ADGRL2: variants seen among roughly 807,000 people sequenced by gnomAD.
ADGRL2 encodes the protein adhesion G protein-coupled receptor L2.
Under a neutral mutation model 157.4 loss-of-function variants are expected in ADGRL2, and 44 were observed. The observed-to-expected ratio is 0.28, with a 90% CI of 0.22 to 0.36. The LOEUF (loss-of-function observed/expected upper bound fraction) is 0.36. Among genes scored for constraint, ADGRL2 ranks in the 10% least tolerant of loss-of-function variants. ADGRL2 has a pLI of 1.00. For synonymous variants in ADGRL2, 585 were observed against 624.7 expected, an observed-to-expected ratio of 0.94 and a Z score of 0.95; for missense variants, 1,510 against 1,768.9, an observed-to-expected ratio of 0.85 and a Z score of 2.63.
chr1:81,516,428 T>A (rs1570352046), intron 2 of ADGRL2, among the ~76,000 whole-genome samples: 1 of 152,258 alleles, frequency 6.6e-6, no homozygotes, highest in African/African-American at 2.4e-5. Context: ...TTATTTAGAT[T>A]CCTGCATTTT....
At chr1:81,602,198 AC>A (rs2081345868) in intron 3 of ADGRL2, among the ~76,000 whole-genome samples, 1 of 152,246 alleles carries the variant, frequency 6.6e-6, no homozygotes, top group African/African-American at 2.4e-5. Flanking sequence ...AGTGGCTCAC[AC>A]CTACAATCCC....
chr1:81,427,509 C>T (rs1390167215), intron 1 of ADGRL2: 25 of 750,790 alleles, frequency 3.3e-5, no homozygotes, highest in Non-Finnish European at 4.9e-5. Context: ...AATCAAATTA[C>T]GAACCCATGT....
intron 3 of ADGRL2, among the ~76,000 whole-genome samples, chr1:81,916,975 A>G (rs1002039616): frequency 3.3e-5 from 5 of 150,200 alleles, no homozygotes; most frequent in Admixed American, 2.0e-4. Context: ...GAAAGAGAGA[A>G]AAAAAAAATA....
intron 1 of ADGRL2, among the ~76,000 whole-genome samples, chr1:81,397,468 C>T (rs890475577): frequency 1.3e-5 from 2 of 151,616 alleles, no homozygotes; most frequent in African/African-American, 2.4e-5. Context: ...TAGAGGCGCC[C>T]GCCACCACGC....
intron 1 of ADGRL2, among the ~76,000 whole-genome samples, chr1:81,404,409 T>C (rs2076817268): frequency 6.6e-6 from 1 of 152,202 alleles, no homozygotes; most frequent in Admixed American, 6.5e-5. Context: ...CTTCCAAATA[T>C]TTAATCAATT....
chr1:81,848,606 G>C (rs1357917403), intron 2 of ADGRL2, among the ~76,000 whole-genome samples: 1 of 151,772 alleles, frequency 6.6e-6, no homozygotes, highest in Admixed American at 6.6e-5. Flanking sequence ...AATTATGTCA[G>C]TTTTCTTAAT....
chr1:81,964,168 AAT>A (rs1365832226), intron 11 of ADGRL2, among the ~76,000 whole-genome samples: 1 of 151,994 alleles, frequency 6.6e-6, no homozygotes, highest in Non-Finnish European at 1.5e-5. Flanking sequence ...TTTAAACTCT[AAT>A]AAGTAAATTT....
intron 3 of ADGRL2, among the ~76,000 whole-genome samples, chr1:81,615,449 ACACT>A (rs1403093968): frequency 2.6e-5 from 4 of 152,228 alleles, no homozygotes; most frequent in Non-Finnish European, 5.9e-5. Context: ...AAGAGCTGTA[ACACT>A]CACCGCGAAG....
intron 4 of ADGRL2, among the ~76,000 whole-genome samples, chr1:81,937,784 A>C (rs1206270630): frequency 1.3e-5 from 2 of 151,810 alleles, no homozygotes; most frequent in Non-Finnish European, 3.0e-5. Context: ...GGATTTGCCA[A>C]ATAATGAAAC....
intron 3 of ADGRL2, among the ~76,000 whole-genome samples, chr1:81,914,971 G>A (rs1168334802): frequency 1.3e-5 from 2 of 152,156 alleles, no homozygotes; most frequent in Non-Finnish European, 2.9e-5. Context: ...TAGTGTGCAA[G>A]AAAGACTAAT....
intron 1 of ADGRL2, among the ~76,000 whole-genome samples, chr1:81,310,541 T>A (rs1180049383): frequency 6.6e-6 from 1 of 152,176 alleles, no homozygotes; most frequent in Non-Finnish European, 1.5e-5. Flanking sequence ...CAATTTTGAT[T>A]GTATTCTGTG....
intron 3 of ADGRL2, among the ~76,000 whole-genome samples, chr1:81,621,764 T>C (rs183509897): frequency 6.6e-6 from 1 of 152,324 alleles, no homozygotes; most frequent in East Asian, 1.9e-4. Context: ...GATGCCTCTA[T>C]ATTTTAATCC....
upstream of ADGRL2, among the ~76,000 whole-genome samples, chr1:81,796,988 C>T (rs1029407710): frequency 2.6e-5 from 4 of 152,234 alleles, no homozygotes; most frequent in African/African-American, 9.6e-5. Context: ...GTTTTGATTT[C>T]TTTTCAGCCT....
chr1:81,655,539 A>C (rs552270146), intron 3 of ADGRL2, among the ~76,000 whole-genome samples: 1 of 152,172 alleles, frequency 6.6e-6, no homozygotes, highest in Non-Finnish European at 1.5e-5. Context: ...CAGTTAAGTC[A>C]AGTTACTGAC....
At chr1:81,974,617 T>A (rs1659651844) in intron 17 of ADGRL2, among the ~76,000 whole-genome samples, 2 of 152,130 alleles carry the variant, frequency 1.3e-5, no homozygotes, top group Admixed American at 1.3e-4. Context: ...CTAGGTTACT[T>A]CAGAGTGATG....
intron 1 of ADGRL2, among the ~76,000 whole-genome samples, chr1:81,801,983 C>T (rs2088242944): frequency 6.6e-6 from 1 of 151,566 alleles, no homozygotes; most frequent in Non-Finnish European, 1.5e-5. Context: ...GACTTAACCC[C>T]AGGAGCCGCC....
intron 2 of ADGRL2, among the ~76,000 whole-genome samples, chr1:81,467,205 G>A (rs2078075105): frequency 6.6e-6 from 1 of 152,100 alleles, no homozygotes; most frequent in African/African-American, 2.4e-5. Flanking sequence ...AGTAATAAAT[G>A]CAGCCGTGGC....
chr1:81,689,678 G>C (rs937777591), intron 3 of ADGRL2, among the ~76,000 whole-genome samples: 1 of 152,204 alleles, frequency 6.6e-6, no homozygotes, highest in Non-Finnish European at 1.5e-5. Flanking sequence ...GCTGCAGGGG[G>C]CTGTGTGGGT....
intron 2 of ADGRL2, among the ~76,000 whole-genome samples, chr1:81,495,236 TG>T (rs1013221599): frequency 6.6e-6 from 1 of 152,076 alleles, no homozygotes; most frequent in Non-Finnish European, 1.5e-5. Flanking sequence ...CCAGAGAAAA[TG>T]AATGACTACT....
Sources: gnomAD v4.1 joint callset for allele counts (sites outside exome capture counted in the v4.1 genomes callset) on GRCh38, gnomAD v4.1.1 for gene constraint, MANE v1.5 for transcripts, NCBI Gene and HGNC (gene_info 2026-07-23, HGNC 2026-07-21) for gene names.